MARK3: variants seen among roughly 807,000 people sequenced by gnomAD.
MARK3 encodes MAP/microtubule affinity-regulating kinase 3.
Under a neutral mutation model 90.1 loss-of-function variants are expected in MARK3, and 46 were observed. That is an observed-to-expected ratio of 0.51 (90% CI 0.40 to 0.65). The LOEUF is 0.65. Ranked by LOEUF, MARK3 falls within the 30% of genes least tolerant of loss-of-function variation. The probability of loss-of-function intolerance (pLI) is 0.00; values close to 1 mark genes in which losing one functional copy is unlikely to be tolerated. For synonymous variants in MARK3, 321 were observed against 332.6 expected, an observed-to-expected ratio of 0.97 and a Z score of 0.38; for missense variants, 818 against 947.2, an observed-to-expected ratio of 0.86 and a Z score of 1.79.
At chr14:103,442,135 G>C (rs1301251750) in intron 3 of MARK3, among the ~76,000 whole-genome samples, 2 of 152,110 alleles carry the variant, frequency 1.3e-5, no homozygotes, top group Non-Finnish European at 2.9e-5. Flanking sequence ...TTGGGAGGCT[G>C]AGGTGGGCGG....
rs2090820972 is a variant in MARK3, at chr14:103,399,640, A to G, written c.52-5436A>G. On this transcript the variant is annotated intron_variant, in intron 1 of 17. Coordinates refer to ENST00000429436, the MANE Select transcript of MARK3 (RefSeq NM_001128918.3). ...CGTGAACCCGGGAGGCGGAGCTTGCAGTGAATCGAGATGGCGCCACTGCAC... is the reference window on the plus strand; with the variant it reads ...CGTGAACCCGGGAGGCGGAGCTTGCGGTGAATCGAGATGGCGCCACTGCAC... Among the ~76,000 whole-genome samples, 3 of 149,154 alleles carry G rather than the reference A, an allele frequency of 2.0e-5. No homozygotes were observed. In the South Asian group the frequency reaches 6.4e-4, roughly 32 times the overall value.
chr14:103,465,588 A>T lies in MARK3; in HGVS notation c.572A>T (p.Asn191Ile). The change falls in exon 8 of 18, where the codon AAC becomes ATC. Residue 191 changes from asparagine to isoleucine, a missense_variant. Asn to Ile is a moderately radical substitution (Grantham distance 149, BLOSUM62 -3). Around this residue, in one of 3 missense-constraint regions of MARK3, gnomAD observed 101 missense variants for 175.1 expected, o/e 0.58. Transcript: ENST00000429436. ...AATCTATTGTTAGATGCCGATATGA[A>T]CATTAAAATAGCAGATTTCGGTTTT... ...AENLLLDADM[N>I]IKIADFGFSN... 1 of 1,614,080 alleles carries T rather than the reference A, an allele frequency of 6.2e-7. No homozygotes were observed. The highest frequency in any genetic ancestry group is 8.5e-7 in the Non-Finnish European group (1 of 1,179,940).
intron 2 of MARK3, 97 bp from the exon 3 acceptor site, chr14:103,428,290 G>C (rs2092474304): frequency 3.3e-6 from 2 of 610,984 alleles, no homozygotes; most frequent in Admixed American, 7.6e-5. Context: ...TTTGTTGCTT[G>C]CTTGCTTGCT....
intron 1 of MARK3, among the ~76,000 whole-genome samples, chr14:103,395,525 C>G (rs2090525655): frequency 6.6e-6 from 1 of 152,116 alleles, no homozygotes; most frequent in Admixed American, 6.6e-5. Flanking sequence ...TAGTTGTCAT[C>G]CTGAGATCTC....
In MARK3 at chr14:103,503,101, G is replaced by T; in HGVS notation, c.2136G>T (p.Gln712His). The T allele has an allele frequency of 6.2e-7, 1 of 1,614,250 alleles. No homozygotes were observed. ...ATGGGCACGCGGAGAACCTCGTGCAGTGGGAAATGGAAGTGTGCAAGCTGC... is the reference window on the plus strand; with the variant it reads ...ATGGGCACGCGGAGAACCTCGTGCATTGGGAAATGGAAGTGTGCAAGCTGC... ...HGDGHAENLV[Q>H]WEMEVCKLPR... is the part of the protein sequence containing the mutation. The change falls in exon 18 of 18, where the codon CAG (glutamine) becomes CAT (histidine). Residue 712 changes from glutamine (Q) to histidine (H), a missense_variant. By Grantham distance (24) the Gln-to-His change is conservative. This residue lies in a region of MARK3 where 560 missense variants were observed against 613.5 expected (regional missense o/e 0.91). Transcript: ENST00000429436.
chr14:103,502,751 G>A, intron 17 of MARK3, 131 bp from the exon 18 acceptor site: 1 of 679,052 alleles, frequency 1.5e-6, no homozygotes, highest in South Asian at 2.0e-5. Context: ...ACAAATGTGA[G>A]TCTGTGCAGG....
At position 103,410,485 on chromosome 14, in the gene MARK3, C is replaced by T. The variant is rs142773646; in HGVS notation, c.243+5218C>T. On this transcript the variant is annotated intron_variant, in intron 2 of 17. Transcript: ENST00000429436. ...AACCAGAAGTTGCTTTTTCCCTTTT[C>T]ACTACTTAGATTTATGATCTTTTTA... Among the ~76,000 whole-genome samples the T allele has an allele frequency of 4.4e-3, 669 of 152,304 alleles. 21 individuals are homozygous for T. Among genetic ancestry groups the T allele is most frequent in the East Asian group, 8.7e-3 (45 of 5,192 alleles).
At chr14:103,463,213 C>A (rs774888231) in intron 7 of MARK3, among the ~76,000 whole-genome samples, 5 of 151,860 alleles carry the variant, frequency 3.3e-5, no homozygotes, top group African/African-American at 1.2e-4. Flanking sequence ...TTCTCTCTTC[C>A]CTTTCATAGC....
At position 103,460,098 on chromosome 14, in the gene MARK3, TTTTTTTG is replaced by T. The variant is rs1423329318; in HGVS notation, c.484-2306_484-2300del. Among the ~76,000 whole-genome samples, 574 of 129,812 alleles carry T rather than the reference TTTTTTTG, an allele frequency of 4.4e-3. 15 individuals are homozygous for T. The highest frequency in any genetic ancestry group is 7.6e-3 in the Non-Finnish European group (469 of 61,524). 85.2% of individuals were successfully genotyped at this position (129,812 alleles called of 152,430 possible). ...CTTTTTTTTTTTTTTTTTTTTTTTTTTTTTTTGAGACAAATCTCGCTTTGTCGCCCAG... is the reference window on the plus strand; with the variant it reads ...CTTTTTTTTTTTTTTTTTTTTTTTTTAGACAAATCTCGCTTTGTCGCCCAG... On this transcript the variant is annotated intron_variant, in intron 6 of 17. Coordinates refer to ENST00000429436, the MANE Select transcript of MARK3 (RefSeq NM_001128918.3).
intron 3 of MARK3, among the ~76,000 whole-genome samples, chr14:103,430,760 A>G (rs901035734): frequency 2.6e-5 from 4 of 152,204 alleles, no homozygotes; most frequent in Non-Finnish European, 5.9e-5. Flanking sequence ...TGAGTTGACT[A>G]TGTTTGCAAA....
chr14:103,457,078 A>G (rs908195921), intron 5 of MARK3, 64 bp from the exon 6 acceptor site: 1 of 1,003,676 alleles, frequency 1.0e-6, no homozygotes, highest in East Asian at 2.4e-5. Context: ...TGAAACATCA[A>G]TTTATGGGAA....
intron 2 of MARK3, among the ~76,000 whole-genome samples, chr14:103,415,163 A>C (rs2091889402): frequency 6.6e-6 from 1 of 150,838 alleles, no homozygotes; most frequent in African/African-American, 2.4e-5. Flanking sequence ...AAAAAAAAAA[A>C]AAAAAAAAAA....
intron 11 of MARK3, 23 bp downstream of exon 11, chr14:103,467,214 G>A (rs2093523622): frequency 8.9e-7 from 1 of 1,119,044 alleles, no homozygotes; most frequent in Non-Finnish European, 1.3e-6. Flanking sequence ...AGAAAGAGCT[G>A]AAATACCCTG....
rs542060403 is a variant in MARK3, at chr14:103,440,383, A to C, written c.298-8536A>C. On this transcript the variant is annotated intron_variant, in intron 3 of 17. Coordinates refer to ENST00000429436, the MANE Select transcript of MARK3 (RefSeq NM_001128918.3). ...CCTCCTTCTTCATTAGAGAAGGCCA[A>C]ATTATTTTCAGAGCAGGTATGCTAA... Among the ~76,000 whole-genome samples, 130 of 152,292 alleles carry C rather than the reference A, an allele frequency of 8.5e-4. 1 individual carries two copies. The highest frequency in any genetic ancestry group is 3.1e-3 in the African/African-American group (127 of 41,558).
At chr14:103,477,898 C>T (rs1222206327) in intron 13 of MARK3, among the ~76,000 whole-genome samples, 1 of 151,616 alleles carries the variant, frequency 6.6e-6, no homozygotes, top group African/African-American at 2.4e-5. Context: ...GCTTGAGAGG[C>T]TCAGGTGGGA....
chr14:103,421,033 T>C (rs550413463), intron 2 of MARK3, among the ~76,000 whole-genome samples: 13 of 152,222 alleles, frequency 8.5e-5, no homozygotes, highest in Non-Finnish European at 1.6e-4. Context: ...GCATTTTCTT[T>C]GTAAGGCACA....
chr14:103,442,943 C>CT (rs5811107), intron 3 of MARK3, among the ~76,000 whole-genome samples: 42,496 of 129,526 alleles, frequency 0.33, 7,567 homozygotes, highest in Non-Finnish European at 0.39. Context: ...TGGTGGGTGT[C>CT]CCCCCCCCTC....
At position 103,465,960 on chromosome 14, in the gene MARK3, A is replaced by T; in HGVS notation, c.778-12A>T. ...GACTTACTCGTTTTCTTTCCTCTGT[A>T]CCTCTCCAAAGGAACTGAGAGAGAG... On this transcript the variant is annotated splice_polypyrimidine_tract_variant and intron_variant, in intron 8 of 17. Coordinates refer to ENST00000429436, the MANE Select transcript of MARK3 (RefSeq NM_001128918.3). 4.3e-6 allele frequency: 7 copies of T among 1,609,874 alleles called. No homozygotes were observed. The highest frequency in any genetic ancestry group is 5.9e-6 in the Non-Finnish European group (7 of 1,178,728).
intron 12 of MARK3, among the ~76,000 whole-genome samples, chr14:103,468,693 TTTA>T (rs1379995919): frequency 2.6e-5 from 4 of 152,126 alleles, no homozygotes; most frequent in African/African-American, 7.2e-5. Context: ...TCTTATCTTC[TTTA>T]TACATGCAGT....
Sources: allele counts gnomAD v4.1 joint callset (sites outside exome capture counted in the v4.1 genomes callset), GRCh38; gene constraint gnomAD v4.1.1; regional missense constraint gnomAD v4.1.1; transcripts MANE v1.5; gene names NCBI Gene and HGNC (gene_info 2026-07-23, HGNC 2026-07-21).